Variants in KPNA7 observed in about 807,000 individuals in gnomAD.
The protein encoded by KPNA7 is karyopherin subunit alpha 7, also known as importin subunit alpha-8.
A neutral mutation model predicts 53.7 loss-of-function variants in KPNA7; 54 were observed. The ratio of observed to expected loss-of-function variants is 1.01; its 90% CI spans 0.81 to 1.26. The LOEUF (loss-of-function observed/expected upper bound fraction) is 1.26, where lower values mean the gene tolerates loss of function less well. Ranked by LOEUF, KPNA7 falls within the 50% of genes most tolerant of loss-of-function variation. The probability of loss-of-function intolerance (pLI) is 0.00; values close to 1 mark genes in which losing one functional copy is unlikely to be tolerated. For missense variants in KPNA7, 640 were observed against 644.5 expected, an observed-to-expected ratio of 0.99 and a Z score of 0.07; for synonymous variants, 276 against 259.3, an observed-to-expected ratio of 1.06 and a Z score of -0.62.
rs189332566 is a variant in KPNA7 at position 99,180,277 on chromosome 7, G to A, written c.1317+1606C>T. 7.2e-5 allele frequency among the ~76,000 whole-genome samples: 11 copies of A among 152,290 alleles called. No homozygotes were observed. In the East Asian group the frequency reaches 7.7e-4, roughly 11 times the overall value. ...AGCACTTTGGGAGGCTGAGGCGGGA[G>A]GATGACTTGAACCCAGGAGTTAGAG... On this transcript the variant is annotated intron_variant, in intron 9 of 10. Transcript: ENST00000327442.
chr7:99,181,770 G>T, intron 9 of KPNA7, 113 bp downstream of exon 9: 1 of 907,314 alleles, frequency 1.1e-6, no homozygotes, highest in Non-Finnish European at 1.6e-6. Context: ...GACCTCAGGT[G>T]ATCCACCTGT....
chr7:99,162,696 T>C, the KPNA7 span, among the ~76,000 whole-genome samples: 1 of 152,148 alleles, frequency 6.6e-6, no homozygotes, highest in Non-Finnish European at 1.5e-5. Context: ...CAAGGTTAGA[T>C]CACTCGGACA....
chr7:99,159,071 G>C, the KPNA7 span, among the ~76,000 whole-genome samples: 81,528 of 151,786 alleles, frequency 0.54, 23,227 homozygotes, highest in East Asian at 0.65. Flanking sequence ...CACCATGTTG[G>C]TCAGGCTGGT....
the KPNA7 span, among the ~76,000 whole-genome samples, chr7:99,148,764 T>A: frequency 6.6e-6 from 1 of 152,002 alleles, no homozygotes; most frequent in Non-Finnish European, 1.5e-5. Context: ...CCTGGCTAAA[T>A]TTTTTTATTT....
chr7:99,192,983 T>TAA, intron 6 of KPNA7, 36 bp downstream of exon 6: 5 of 1,348,794 alleles, frequency 3.7e-6, no homozygotes, highest in Non-Finnish European at 5.0e-6. Flanking sequence ...AAATTTTAAT[T>TAA]TAAAAAAAAA....
intron 10 of KPNA7, among the ~76,000 whole-genome samples, chr7:99,176,292 C>T (rs140747588): frequency 0.038 from 3,115 of 82,492 alleles, 127 homozygotes; most frequent in African/African-American, 0.13. Flanking sequence ...AGCGAGACTA[C>T]GTCTCAAAAA....
chr7:99,172,713 C>T (rs1343903258), downstream of KPNA7, among the ~76,000 whole-genome samples: 1 of 152,048 alleles, frequency 6.6e-6, no homozygotes, highest in Admixed American at 6.6e-5. Flanking sequence ...GGAAAGAAGG[C>T]CAGTAACACT....
chr7:99,188,306 A>G lies in KPNA7; in HGVS notation c.894T>C (p.Asn298=), dbSNP rs1789734851. Residue 298 remains asparagine, a synonymous_variant, in exon 7 of 11, where the codon AAT becomes AAC. Coordinates refer to ENST00000327442, the MANE Select transcript of KPNA7 (RefSeq NM_001145715.3). ...GGCCCAGGATTGCATTTACCAAGAC[A>G]TTGAGTTCTGAGCTGGTCATGAGCA... The part of the protein sequence containing the change: ...LVVLMTSSEL[N]VLTPSLRTVG... The G allele has an allele frequency of 6.4e-7, 1 of 1,551,068 alleles. No homozygotes were observed. Among genetic ancestry groups the G allele is most frequent in the Non-Finnish European group, 8.7e-7 (1 of 1,146,662 alleles).
chr7:99,212,593 G>A (rs114584825), upstream of KPNA7, among the ~76,000 whole-genome samples: 517 of 151,878 alleles, frequency 3.4e-3, 3 homozygotes, highest in African/African-American at 0.012. Flanking sequence ...ATAAGGAAGC[G>A]TTGCTTTTTA....
In KPNA7 at chr7:99,196,088, C is replaced by T. The variant is rs1584299134; in HGVS notation, c.280G>A (p.Ala94Thr). 3.2e-6 allele frequency: 5 copies of T among 1,551,408 alleles called. No homozygotes were observed. In the South Asian group the frequency reaches 5.9e-5, roughly 18 times the overall value. Residue 94 changes from alanine (A) to threonine (T), a missense_variant, in exon 4 of 11, where the codon GCC (alanine) becomes ACC (threonine). Coordinates refer to ENST00000327442, the MANE Select transcript of KPNA7 (RefSeq NM_001145715.3). ...PVLCFQATQT[A>T]RKMLSQEKNP... Reference sequence around the variant, plus strand: ...CAGAAGTCTGTTTGGAGATACCTGGCTGTCTGGGTGGCCTGGAAACATAGG... The same window carrying T: ...CAGAAGTCTGTTTGGAGATACCTGGTTGTCTGGGTGGCCTGGAAACATAGG...
intron 4 of KPNA7, 71 bp from the exon 5 acceptor site, chr7:99,195,409 C>CCTTA (rs1790178941): frequency 7.0e-7 from 1 of 1,427,448 alleles, no homozygotes; most frequent in Non-Finnish European, 9.5e-7. Flanking sequence ...TCCTTTTAGG[C>CCTTA]CAGGTGCGGT....
At chr7:99,162,353 A>C in the KPNA7 span, among the ~76,000 whole-genome samples, 15 of 152,134 alleles carry the variant, frequency 9.9e-5, no homozygotes, top group Admixed American at 2.6e-4. Context: ...TGAGAATTGC[A>C]TTCTTTGAGG....
At chr7:99,191,543 A>G (rs1235870175) in intron 6 of KPNA7, among the ~76,000 whole-genome samples, 5 of 152,176 alleles carry the variant, frequency 3.3e-5, no homozygotes, top group Non-Finnish European at 7.3e-5. Flanking sequence ...TGCTGCTAGC[A>G]GGAAGATGTC....
chr7:99,147,322 G>C, the KPNA7 span, among the ~76,000 whole-genome samples: 1 of 152,144 alleles, frequency 6.6e-6, no homozygotes, highest in Non-Finnish European at 1.5e-5. Flanking sequence ...TCTTAATCTA[G>C]AGCTTAAAGC....
chr7:99,207,386 G>A lies in KPNA7; in HGVS notation c.66+15C>T. On this transcript the variant is annotated intron_variant, in intron 2 of 10. Transcript: ENST00000327442. ...ACTGGTCCCCAATAGAAGCAGGTGG[G>A]TGCTTCATACTCACAGACACATCTT... The A allele has an allele frequency of 6.5e-7, 1 of 1,549,084 alleles. No individual in the cohort carries two copies.
chr7:99,195,571 G>A (rs576198100), intron 4 of KPNA7, among the ~76,000 whole-genome samples: 76 of 152,154 alleles, frequency 5.0e-4, no homozygotes, highest in African/African-American at 1.4e-3. Flanking sequence ...GTGTGGTGGT[G>A]CACACCTGTA....
chr7:99,218,949 C>G (rs1004609599), intron 1 of KPNA7, among the ~76,000 whole-genome samples: 1 of 152,262 alleles, frequency 6.6e-6, no homozygotes, highest in Non-Finnish European at 1.5e-5. Context: ...AAGCCACCAA[C>G]CACTCACCTG....
the KPNA7 span, among the ~76,000 whole-genome samples, chr7:99,164,227 T>G: frequency 6.6e-6 from 1 of 151,472 alleles, no homozygotes; most frequent in African/African-American, 2.4e-5. Context: ...AGCAAAGACT[T>G]GGAACCAACC....
rs956593176 is a variant in KPNA7, at chr7:99,215,265, G to A, written c.-23-7776C>T. On this transcript the variant is annotated intron_variant, in intron 1 of 10. Coordinates refer to the KPNA7 transcript ENST00000681060. ...TGGGCGCCTGTAATCTCAGCTACTC[G>A]GGAGGCTGAGGCACTGGAATCGCTT... Among the ~76,000 whole-genome samples the A allele has an allele frequency of 7.3e-5, 11 of 150,994 alleles. No individual in the cohort carries two copies. The Admixed American group carries it at 7.3e-4, about 10-fold the overall frequency.
Sources: gnomAD v4.1 joint callset for allele counts (sites outside exome capture counted in the v4.1 genomes callset) on GRCh38, gnomAD v4.1.1 for gene constraint, MANE v1.5 for transcripts, NCBI Gene and HGNC (gene_info 2026-07-23, HGNC 2026-07-21) for gene names.